The following NF1 variants were observed in gnomAD, a reference collection of about 807,000 sequenced individuals.
The protein encoded by NF1 is neurofibromin 1.
A neutral mutation model predicts 325.7 loss-of-function variants in NF1; 122 were observed. The ratio of observed to expected loss-of-function variants is 0.37; its 90% CI spans 0.32 to 0.44. NF1 has a LOEUF of 0.44. Among genes scored for constraint, NF1 ranks in the 20% least tolerant of loss-of-function variants. The pLI, the probability that NF1 is intolerant of heterozygous loss-of-function variation, is 1.00. For synonymous variants in NF1, 1,091 were observed against 1,186.0 expected (o/e 0.92, Z 1.65); for missense variants, 2,140 against 3,415.4 (o/e 0.63, Z 9.31).
chr17:31,258,220 T>C, intron 31 of NF1, 124 bp from the exon 32 acceptor site: 1 of 985,232 alleles, frequency 1.0e-6, no homozygotes, highest in Non-Finnish European at 1.6e-6. Context: ...AAAATAGAAA[T>C]ATGTCATTCA....
At chr17:31,152,245 G>A (rs1424356393) in intron 1 of NF1, among the ~76,000 whole-genome samples, 2 of 150,922 alleles carry the variant, frequency 1.3e-5, no homozygotes, top group African/African-American at 2.4e-5. Flanking sequence ...TCTTGTTCAC[G>A]GAAGTTCAAA....
intron 12 of NF1, 82 bp downstream of exon 12, chr17:31,206,453 G>T: frequency 1.3e-6 from 2 of 1,551,104 alleles, no homozygotes; most frequent in South Asian, 1.1e-5. Flanking sequence ...CTGCTGCTTT[G>T]GTTATTTTAG....
rs1176553723 is a variant in NF1, at chr17:31,263,063, GTAGGTAGA to G, written c.4724+1210_4724+1217del. 2.2e-5 allele frequency among the ~76,000 whole-genome samples: 3 copies of G among 135,542 alleles called. 1 individual carries two copies. The highest frequency in any genetic ancestry group is 7.4e-5 in the Admixed American group (1 of 13,452). 88.9% of individuals were successfully genotyped at this position (135,542 alleles called of 152,430 possible). On this transcript the variant is annotated intron_variant, in intron 35 of 57. Coordinates refer to ENST00000358273, the MANE Select transcript of NF1 (RefSeq NM_001042492.3). ...GGTAGGTAGGTAGGTAGGTAGGTAG[GTAGGTAGA>G]TAGATAGGTAGGTAGGTAGGTAGGT... is the stretch of plus-strand genomic sequence containing the variant.
chr17:31,156,918 G>C (rs1456069682), intron 2 of NF1, among the ~76,000 whole-genome samples: 3 of 152,004 alleles, frequency 2.0e-5, no homozygotes, highest in Admixed American at 6.6e-5. Flanking sequence ...CAACTGATCT[G>C]GATTTTTCTT....
intron 8 of NF1, among the ~76,000 whole-genome samples, chr17:31,192,228 A>G (rs960642471): frequency 3.3e-5 from 5 of 152,370 alleles, no homozygotes; most frequent in African/African-American, 9.6e-5. Context: ...ATTCTGAACC[A>G]AATACGAGTG....
chr17:31,232,747 A>G lies in NF1; in HGVS notation c.3362A>G (p.Glu1121Gly), dbSNP rs757222815. 5 of 1,613,886 alleles carry G rather than the reference A, an allele frequency of 3.1e-6. No individual in the cohort carries two copies. In the East Asian group the frequency reaches 1.1e-4, roughly 36 times the overall value. Reference sequence around the variant, plus strand: ...CTTTTGAATGACTGCAGTGAAGTTGAAGATGAAAGTGCGCAAACAGGTGGC... The same window carrying G: ...CTTTTGAATGACTGCAGTGAAGTTGGAGATGAAAGTGCGCAAACAGGTGGC... ...MNLLNDCSEV[E>G]DESAQTGGRK... is the part of the protein sequence containing the mutation. Residue 1121 changes from glutamate to glycine, a missense_variant, in exon 26 of 58, where the codon GAA (glutamate) becomes GGA (glycine). This residue lies in a region of NF1 where 380 missense variants were observed against 639.3 expected (regional missense o/e 0.59). Transcript: ENST00000358273.
chr17:31,296,350 A>G, intron 36 of NF1: 1 of 1,613,874 alleles, frequency 6.2e-7, no homozygotes, highest in South Asian at 1.1e-5. Context: ...AGAAACAAAC[A>G]GATACACCCT....
intron 8 of NF1, among the ~76,000 whole-genome samples, chr17:31,194,099 C>T (rs1161656607): frequency 6.6e-6 from 1 of 152,138 alleles, no homozygotes; most frequent in Admixed American, 6.5e-5. Flanking sequence ...ATGTTTATTG[C>T]AGCACTATTC....
chr17:31,376,640 A>G lies in NF1; in HGVS notation c.*2485A>G, dbSNP rs1409808253. 8.6e-6 allele frequency: 2 copies of G among 233,016 alleles called. No homozygotes were observed. The highest frequency in any genetic ancestry group is 2.2e-5 in the African/African-American group (1 of 45,344). 14.4% of individuals were successfully genotyped at this position (233,016 alleles called of 1,614,324 possible). The stretch of plus-strand genomic sequence containing the variant: ...TTTAGTCTTCATACTTGTAATCTAT[A>G]AAAGAAATTCTGAAGTTTAGACCAA... On this transcript the variant is annotated 3_prime_UTR_variant, in exon 58 of 58. Transcript: ENST00000358273.
chr17:31,155,096 C>G (rs1413622596), intron 1 of NF1, among the ~76,000 whole-genome samples: 1 of 152,082 alleles, frequency 6.6e-6, no homozygotes, highest in African/African-American at 2.4e-5. Flanking sequence ...TGGGCATGCC[C>G]CTCGGTCTCT....
intron 1 of NF1, among the ~76,000 whole-genome samples, chr17:31,121,254 A>G (rs1173565388): frequency 6.6e-6 from 1 of 152,266 alleles, no homozygotes; most frequent in Non-Finnish European, 1.5e-5. Flanking sequence ...AGGGAATAGG[A>G]ATGGTAAACA....
chr17:31,222,078 T>C (rs2066934350), intron 15 of NF1, 149 bp downstream of exon 15: 1 of 1,296,108 alleles, frequency 7.7e-7, no homozygotes, highest in East Asian at 2.9e-5. Context: ...TTCAAATTAT[T>C]AGAATTTCTT....
chr17:31,168,679 G>T (rs188084376), intron 4 of NF1, among the ~76,000 whole-genome samples: 2 of 152,170 alleles, frequency 1.3e-5, no homozygotes, highest in East Asian at 1.9e-4. Context: ...ATGCTATGTG[G>T]TTCCTAATGA....
At chr17:31,105,710 C>T (rs1000614869) in intron 1 of NF1, among the ~76,000 whole-genome samples, 4 of 152,138 alleles carry the variant, frequency 2.6e-5, no homozygotes, top group Admixed American at 6.5e-5. Context: ...GACAGGGTTT[C>T]ACCATGTTGG....
chr17:31,327,900 A>G, intron 38 of NF1, 61 bp downstream of exon 38: 2 of 1,469,386 alleles, frequency 1.4e-6, no homozygotes, highest in Non-Finnish European at 1.9e-6. Context: ...AAATGAGACC[A>G]TTTAATGAAT....
At chr17:31,134,812 A>G (rs1481119592) in intron 1 of NF1, among the ~76,000 whole-genome samples, 1 of 152,182 alleles carries the variant, frequency 6.6e-6, no homozygotes, top group Non-Finnish European at 1.5e-5. Context: ...TCCCAGAGTG[A>G]GTGATCTGAG....
chr17:31,223,478 A>G lies in NF1; in HGVS notation c.1756A>G (p.Thr586Ala), dbSNP rs876659242. 6.2e-7 allele frequency: 1 copy of G among 1,613,064 alleles called. No individual in the cohort carries two copies. Among genetic ancestry groups the G allele is most frequent in the Non-Finnish European group, 8.5e-7 (1 of 1,179,318 alleles). Residue 586 changes from threonine (T) to alanine (A), a missense_variant, in exon 16 of 58, where the codon ACT (threonine) becomes GCT (alanine). Thr to Ala is a moderately conservative substitution (Grantham distance 58). Coordinates refer to ENST00000358273, the MANE Select transcript of NF1 (RefSeq NM_001042492.3). ...GCTTTTTTACATCTGCAAGAAATTAACTAGTCATCAAATGCTTAGTAGCAC... is the reference window on the plus strand; with the variant it reads ...GCTTTTTTACATCTGCAAGAAATTAGCTAGTCATCAAATGCTTAGTAGCAC... ...QMLFYICKKLTSHQMLSSTEI... is the reference protein window; with the variant it reads ...QMLFYICKKLASHQMLSSTEI...
chr17:31,223,513 C>T lies in NF1; in HGVS notation c.1791C>T (p.Leu597=), dbSNP rs1597708736. ...SHQMLSSTEI[L]KWLREILICR... The stretch of plus-strand genomic sequence containing the variant: ...AAATGCTTAGTAGCACAGAAATTCT[C>T]AAGTGGTTGCGGGAAATATTGATCT... Residue 597 remains leucine, a synonymous_variant, in exon 16 of 58, where the codon CTC becomes CTT. Coordinates refer to ENST00000358273, the MANE Select transcript of NF1 (RefSeq NM_001042492.3). 1 of 1,612,958 alleles carries T rather than the reference C, an allele frequency of 6.2e-7. No individual in the cohort carries two copies. Among genetic ancestry groups the T allele is most frequent in the Non-Finnish European group, 8.5e-7 (1 of 1,179,246 alleles).
At chr17:31,217,520 G>A (rs1274382721) in intron 13 of NF1, among the ~76,000 whole-genome samples, 2 of 151,742 alleles carry the variant, frequency 1.3e-5, no homozygotes, top group African/African-American at 4.8e-5. Flanking sequence ...GGCCAGGCTA[G>A]TCTCGAACTC....
Sources: gnomAD v4.1 joint callset for allele counts (sites outside exome capture counted in the v4.1 genomes callset) on GRCh38, gnomAD v4.1.1 for gene constraint, gnomAD v4.1.1 regional missense constraint, MANE v1.5 for transcripts, NCBI Gene and HGNC (gene_info 2026-07-23, HGNC 2026-07-21) for gene names.